Variants in IFITM10 observed in about 807,000 individuals in gnomAD.
IFITM10 encodes the protein interferon-induced transmembrane protein 10.
Under a neutral mutation model 19.0 loss-of-function variants are expected in IFITM10, and 17 were observed. The observed-to-expected ratio is 0.90, with a 90% CI of 0.61 to 1.34. The LOEUF (loss-of-function observed/expected upper bound fraction) is 1.34. Ranked by LOEUF, IFITM10 falls within the 40% of genes most tolerant of loss-of-function variation. The probability of loss-of-function intolerance (pLI) is 0.00; values close to 1 mark genes in which losing one functional copy is unlikely to be tolerated. For synonymous variants in IFITM10, 148 were observed against 147.2 expected (o/e 1.01, Z -0.04); for missense variants, 306 against 319.8 (o/e 0.96, Z 0.33).
chr11:1,749,443 T>A (rs1185373372), intron 1 of IFITM10, among the ~76,000 whole-genome samples: 1 of 53,946 alleles, frequency 1.9e-5, no homozygotes. Flanking sequence ...CCCATCCCTC[T>A]CGCGGAGCCC....
chr11:1,740,051 C>T (rs1390597136), intron 2 of IFITM10, among the ~76,000 whole-genome samples: 2 of 152,102 alleles, frequency 1.3e-5, no homozygotes, highest in African/African-American at 4.8e-5. Flanking sequence ...CCTGTAATCC[C>T]AGCACTTTGG....
At chr11:1,749,587 G>A (rs1845695026) in intron 1 of IFITM10, among the ~76,000 whole-genome samples, 1 of 151,432 alleles carries the variant, frequency 6.6e-6, no homozygotes, top group African/African-American at 2.4e-5. Context: ...AGGGACCCCC[G>A]CCCCTGGGTC....
At chr11:1,739,326 G>T (rs7938305) in intron 2 of IFITM10, among the ~76,000 whole-genome samples, 50,497 of 151,962 alleles carry the variant, frequency 0.33, 10,054 homozygotes, top group African/African-American at 0.56. Flanking sequence ...TGGTGGATAA[G>T]AGAAAGGAAG....
In IFITM10 at chr11:1,735,168, C is replaced by A. The variant is rs1402523525; in HGVS notation, c.*112G>T. 1.6e-6 allele frequency: 2 copies of A among 1,244,338 alleles called. No homozygotes were observed. Among genetic ancestry groups the A allele is most frequent in the African/African-American group, 3.0e-5 (2 of 66,076 alleles). 77.1% of individuals were successfully genotyped at this position (1,244,338 alleles called of 1,614,324 possible). On this transcript the variant is annotated 3_prime_UTR_variant, in exon 3 of 3. Coordinates refer to ENST00000340134, the MANE Select transcript of IFITM10 (RefSeq NM_001170820.4). ...CCCAGTTCACAGCTCAAGGGGGCCC[C>A]AGGACAAGAAGCCCTGCCCTGCCCC...
At chr11:1,743,032 G>A (rs1845589312) in intron 2 of IFITM10, among the ~76,000 whole-genome samples, 1 of 148,138 alleles carries the variant, frequency 6.8e-6, no homozygotes, top group African/African-American at 2.5e-5. Flanking sequence ...ATTGAGGGTG[G>A]ATGGATGGAT....
intron 2 of IFITM10, among the ~76,000 whole-genome samples, chr11:1,735,684 T>A (rs551912074): frequency 6.6e-6 from 1 of 152,328 alleles, no homozygotes. Context: ...GTAGGTGAGA[T>A]GTATTTATAT....
rs781724678 is a variant in IFITM10 at position 1,747,677 on chromosome 11, T to A, written c.527A>T (p.Tyr176Phe). Reference sequence around the variant, plus strand: ...ACCGCCCGGGCTCACTTTGAGGGAGTAGGCCAAGGCGATGAAGCCCAGGCA... The same window carrying A: ...ACCGCCCGGGCTCACTTTGAGGGAGAAGGCCAAGGCGATGAAGCCCAGGCA... ...FCCLGFIALA[Y>F]SLKVRDKKLL... Residue 176 changes from tyrosine to phenylalanine, a missense_variant, in exon 2 of 3, where the codon TAC becomes TTC. Transcript: ENST00000340134. 1.3e-6 allele frequency: 2 copies of A among 1,551,534 alleles called. No individual in the cohort carries two copies. The highest frequency in any genetic ancestry group is 1.7e-6 in the Non-Finnish European group (2 of 1,146,916).
chr11:1,748,976 T>A, intron 1 of IFITM10: 1 of 937,672 alleles, frequency 1.1e-6, no homozygotes, highest in Non-Finnish European at 1.3e-6. Context: ...CCCAGCCCCA[T>A]CCGGGTCTGC....
chr11:1,741,546 T>C (rs1449834367), intron 2 of IFITM10, among the ~76,000 whole-genome samples: 1 of 151,936 alleles, frequency 6.6e-6, no homozygotes, highest in Non-Finnish European at 1.5e-5. Flanking sequence ...GATGATGAAT[T>C]GAGGGCTAGG....
intron 2 of IFITM10, among the ~76,000 whole-genome samples, chr11:1,736,053 C>T (rs1365488335): frequency 6.6e-6 from 1 of 152,024 alleles, no homozygotes; most frequent in African/African-American, 2.4e-5. Context: ...AGGCAACCTT[C>T]ATTCAGAATG....
At position 1,735,016 on chromosome 11, in the gene IFITM10, G is replaced by C. The variant is rs1432743576; in HGVS notation, c.*264C>G. 2.0e-6 allele frequency: 1 copy of C among 502,782 alleles called. No homozygotes were observed. The highest frequency in any genetic ancestry group is 3.5e-6 in the Non-Finnish European group (1 of 283,744). The allele number at this position is 502,782 out of a possible 1,614,324, so 31.1% of individuals were successfully genotyped here. ...GGACACAGACGCTGGAAGCCAGGGT[G>C]CAGCAGCGAGGGGAGAAGCCCCCAG... On this transcript the variant is annotated 3_prime_UTR_variant, in exon 3 of 3. Coordinates refer to ENST00000340134, the MANE Select transcript of IFITM10 (RefSeq NM_001170820.4).
chr11:1,749,045 C>G (rs754113639), intron 1 of IFITM10: 7 of 1,112,524 alleles, frequency 6.3e-6, no homozygotes, highest in Non-Finnish European at 7.8e-6. Flanking sequence ...CGCGGCCGGA[C>G]CCCCTGAGCC....
At chr11:1,742,110 G>A (rs1845575344) in intron 2 of IFITM10, among the ~76,000 whole-genome samples, 2 of 152,200 alleles carry the variant, frequency 1.3e-5, no homozygotes. Context: ...CTTGGAGGCA[G>A]GTGAATGGGA....
intron 1 of IFITM10, among the ~76,000 whole-genome samples, chr11:1,750,025 C>A (rs1056806982): frequency 3.9e-5 from 6 of 152,142 alleles, no homozygotes; most frequent in Non-Finnish European, 7.4e-5. Context: ...GAGGTCCTGG[C>A]TGCTAAGGAC....
intron 2 of IFITM10, among the ~76,000 whole-genome samples, chr11:1,743,410 G>T (rs893183268): frequency 1.3e-5 from 2 of 151,566 alleles, no homozygotes; most frequent in Non-Finnish European, 2.9e-5. Flanking sequence ...ATAGACGGAT[G>T]GATGGAGGGT....
At chr11:1,735,938 C>G (rs753863387) in intron 2 of IFITM10, among the ~76,000 whole-genome samples, 2 of 152,086 alleles carry the variant, frequency 1.3e-5, no homozygotes, top group East Asian at 1.9e-4. Flanking sequence ...GCAGGAGAGA[C>G]AGCAGTCCAC....
At chr11:1,748,438 A>C in intron 1 of IFITM10, 1 of 323,258 alleles carries the variant, frequency 3.1e-6, no homozygotes, top group Non-Finnish European at 5.6e-6. Flanking sequence ...ACTGTTGCAA[A>C]ACACAGAGTG....
At chr11:1,749,034 G>A (rs916456766) in intron 1 of IFITM10, 6 of 1,092,638 alleles carry the variant, frequency 5.5e-6, no homozygotes, top group African/African-American at 3.4e-5. Flanking sequence ...ACTCCTCGGC[G>A]CGCGGCCGGA....
At chr11:1,744,213 C>T (rs970837286) in intron 2 of IFITM10, 1 of 152,380 alleles carries the variant, frequency 6.6e-6, no homozygotes, top group Admixed American at 6.5e-5. Context: ...ACCCATTAGA[C>T]CCACATGTCC....
Sources: allele counts gnomAD v4.1 joint callset (sites outside exome capture counted in the v4.1 genomes callset), GRCh38; gene constraint gnomAD v4.1.1; transcripts MANE v1.5; gene names NCBI Gene and HGNC (gene_info 2026-07-23, HGNC 2026-07-21).